ARHGEF28: variants seen among roughly 807,000 people sequenced by gnomAD.
The protein encoded by ARHGEF28 is 190 kDa guanine nucleotide exchange factor.
ARHGEF28 carries 152 observed loss-of-function variants against 206.6 expected under a neutral mutation model. The ratio of observed to expected loss-of-function variants is 0.74; its 90% confidence interval spans 0.64 to 0.84. The LOEUF (loss-of-function observed/expected upper bound fraction) is 0.84. Ranked by LOEUF, ARHGEF28 falls within the 40% of genes least tolerant of loss-of-function variation. The probability of loss-of-function intolerance (pLI) is 0.00; values close to 1 mark genes in which losing one functional copy is unlikely to be tolerated. For synonymous variants in ARHGEF28, 763 were observed against 776.4 expected (o/e 0.98, Z 0.29); for missense variants, 2,028 against 2,073.2 (o/e 0.98, Z 0.42).
At chr5:73,903,610 G>A (rs1042664591) in intron 31 of ARHGEF28, 3 of 153,502 alleles carry the variant, frequency 2.0e-5, no homozygotes, top group Non-Finnish European at 2.9e-5. Flanking sequence ...TGGCTGGTTC[G>A]TGGCCTCTGC....
chr5:73,695,884 A>T (rs562838551), intron 2 of ARHGEF28, among the ~76,000 whole-genome samples: 1 of 152,312 alleles, frequency 6.6e-6, no homozygotes, highest in African/African-American at 2.4e-5. Context: ...TGTTCTAATC[A>T]GACAAGTCCT....
At chr5:73,820,282 G>A (rs534562141) in intron 9 of ARHGEF28, among the ~76,000 whole-genome samples, 94 of 152,282 alleles carry the variant, frequency 6.2e-4, no homozygotes, top group Middle Eastern at 3.4e-3. Context: ...TGACTGATGG[G>A]TATCTTTACG....
intron 2 of ARHGEF28, among the ~76,000 whole-genome samples, chr5:73,721,581 T>C (rs746009137): frequency 1.3e-5 from 2 of 152,088 alleles, no homozygotes; most frequent in Non-Finnish European, 2.9e-5. Context: ...TAGCTGAATT[T>C]TTTTTTTCAG....
intron 7 of ARHGEF28, among the ~76,000 whole-genome samples, chr5:73,782,370 C>T (rs1353081154): frequency 1.3e-5 from 2 of 151,958 alleles, no homozygotes; most frequent in African/African-American, 4.8e-5. Context: ...ACCTGGGAGG[C>T]GAGGTTGCAG....
chr5:73,682,256 CAT>C (rs1747155738), intron 1 of ARHGEF28, among the ~76,000 whole-genome samples: 2 of 152,124 alleles, frequency 1.3e-5, no homozygotes, highest in Non-Finnish European at 2.9e-5. Context: ...TCTTAGGAAA[CAT>C]GACTTGGGAC....
chr5:73,873,820 A>G (rs935998726), intron 22 of ARHGEF28, among the ~76,000 whole-genome samples: 1 of 152,194 alleles, frequency 6.6e-6, no homozygotes, highest in Admixed American at 6.5e-5. Context: ...TTATAAATAA[A>G]GCTGCTATGA....
chr5:73,864,163 C>T (rs1411456758), intron 16 of ARHGEF28, among the ~76,000 whole-genome samples: 1 of 152,178 alleles, frequency 6.6e-6, no homozygotes, highest in African/African-American at 2.4e-5. Flanking sequence ...GTGCAGCTTT[C>T]CATGAGGACA....
chr5:73,694,704 T>C (rs1202379415), intron 2 of ARHGEF28, among the ~76,000 whole-genome samples: 1 of 152,230 alleles, frequency 6.6e-6, no homozygotes, highest in Non-Finnish European at 1.5e-5. Flanking sequence ...AATAAGTGTC[T>C]CTAGCTCTTG....
intron 7 of ARHGEF28, 79 bp from the exon 8 acceptor site, chr5:73,794,323 T>C (rs1754663146): frequency 6.5e-6 from 8 of 1,228,526 alleles, no homozygotes; most frequent in Admixed American, 4.6e-5. Context: ...GCAACTCATT[T>C]ACACTTGTCA....
intron 29 of ARHGEF28, among the ~76,000 whole-genome samples, chr5:73,896,819 G>A (rs538431305): frequency 5.1e-4 from 78 of 152,276 alleles, no homozygotes; most frequent in African/African-American, 1.8e-3. Context: ...TGGGTTGTAC[G>A]CCCATCTGCT....
chr5:73,717,823 A>T (rs1274483497), intron 2 of ARHGEF28, among the ~76,000 whole-genome samples: 1 of 152,190 alleles, frequency 6.6e-6, no homozygotes, highest in Admixed American at 6.5e-5. Context: ...TTGCTGTTGG[A>T]CATGGAAATG....
intron 22 of ARHGEF28, among the ~76,000 whole-genome samples, chr5:73,873,918 GT>G (rs35992332): frequency 0.29 from 44,066 of 152,062 alleles, 7,361 homozygotes; most frequent in Admixed American, 0.42. Context: ...TTGTATGGGA[GT>G]TGTATGTTCA....
At chr5:73,676,877 G>A (rs1746729644) in intron 1 of ARHGEF28, among the ~76,000 whole-genome samples, 1 of 152,212 alleles carries the variant, frequency 6.6e-6, no homozygotes, top group African/African-American at 2.4e-5. Flanking sequence ...GGCCTATGGT[G>A]TGTGGCAAGC....
rs961411827 is a variant in ARHGEF28 at position 73,923,098 on chromosome 5, A to T, written c.4948+11523A>T. 23 of 1,535,642 alleles carry T rather than the reference A, an allele frequency of 1.5e-5. No individual in the cohort carries two copies. The highest frequency in any genetic ancestry group is 1.2e-4 in the Admixed American group (6 of 50,894). ...TATTTTGCATTCAGGCTCCAGTATG[A>T]CAAAGTGCAGTTGTACGTTGACATC... On this transcript the variant is annotated intron_variant, in intron 35 of 35. Transcript: ENST00000513042.
chr5:73,774,972 G>A (rs1045895770), intron 5 of ARHGEF28, among the ~76,000 whole-genome samples: 1 of 152,194 alleles, frequency 6.6e-6, no homozygotes, highest in Non-Finnish European at 1.5e-5. Context: ...TTATAGTTAT[G>A]TAGTACATAA....
chr5:73,636,006 C>T (rs1743693475), intron 1 of ARHGEF28, among the ~76,000 whole-genome samples: 1 of 152,134 alleles, frequency 6.6e-6, no homozygotes, highest in Non-Finnish European at 1.5e-5. Flanking sequence ...CCCATTTGAT[C>T]ACCAGAAATA....
chr5:73,767,738 G>A (rs530519679), intron 4 of ARHGEF28, among the ~76,000 whole-genome samples: 1 of 152,284 alleles, frequency 6.6e-6, no homozygotes, highest in East Asian at 1.9e-4. Flanking sequence ...CATTTTCTGA[G>A]GAGAAATTCA....
chr5:73,713,074 A>G (rs1749348686), intron 2 of ARHGEF28, among the ~76,000 whole-genome samples: 1 of 152,186 alleles, frequency 6.6e-6, no homozygotes, highest in Admixed American at 6.5e-5. Context: ...ATGAAATAAA[A>G]TTACTGTATG....
intron 1 of ARHGEF28, among the ~76,000 whole-genome samples, chr5:73,665,283 AG>A (rs1435303761): frequency 6.6e-6 from 1 of 152,158 alleles, no homozygotes; most frequent in Non-Finnish European, 1.5e-5. Flanking sequence ...GGTACAGAAA[AG>A]GTTCCCATCC....
Sources: allele counts gnomAD v4.1 joint callset (sites outside exome capture counted in the v4.1 genomes callset), GRCh38; gene constraint gnomAD v4.1.1; transcripts MANE v1.5; gene names NCBI Gene and HGNC (gene_info 2026-07-23, HGNC 2026-07-21).